Variants in PUS7 observed in about 807,000 individuals in gnomAD.
The protein encoded by PUS7 is pseudouridylate synthase 7 homolog.
In PUS7, 48 loss-of-function variants were observed where a neutral mutation model predicts 79.8. The ratio of observed to expected loss-of-function variants is 0.60; its 90% confidence interval spans 0.48 to 0.76. PUS7 has a LOEUF of 0.76. PUS7 is among the 30% of genes least tolerant of loss of function. PUS7 has a pLI of 0.00. For synonymous variants in PUS7, 286 were observed against 272.2 expected, an observed-to-expected ratio of 1.05 and a Z score of -0.50; for missense variants, 729 against 797.6, an observed-to-expected ratio of 0.91 and a Z score of 1.04.
intron 1 of PUS7, among the ~76,000 whole-genome samples, chr7:105,519,255 A>C (rs1285010230): frequency 6.8e-6 from 1 of 146,700 alleles, no homozygotes; most frequent in Admixed American, 6.8e-5. Context: ...TTTTTTGGAG[A>C]TGGAGTTTTC....
At position 105,487,008 on chromosome 7, in the gene PUS7, C is replaced by T. The variant is rs189853207; in HGVS notation, c.920+4532G>A. ...CTCAGAGGCTGAGGTTGCAGTGAGC[C>T]GAGATTGTGCCACTTGTACTCCAGC... On this transcript the variant is annotated intron_variant, in intron 7 of 15. Coordinates refer to ENST00000469408, the MANE Select transcript of PUS7 (RefSeq NM_019042.5). Among the ~76,000 whole-genome samples, 266 of 151,708 alleles carry T rather than the reference C, an allele frequency of 1.8e-3. 1 individual carries two copies. The highest frequency in any genetic ancestry group is 6.8e-3 in the Middle Eastern group (2 of 294).
chr7:105,485,794 G>A (rs1378507221), intron 7 of PUS7, among the ~76,000 whole-genome samples: 1 of 152,126 alleles, frequency 6.6e-6, no homozygotes, highest in Non-Finnish European at 1.5e-5. Flanking sequence ...ATTGCTTTAA[G>A]TGCTATATCT....
chr7:105,498,494 G>C (rs1825123392), intron 5 of PUS7, among the ~76,000 whole-genome samples: 1 of 152,186 alleles, frequency 6.6e-6, no homozygotes, highest in Non-Finnish European at 1.5e-5. Context: ...GGCAGTCCCA[G>C]TCTAGCAGAA....
rs558584412 is a variant in PUS7 at position 105,514,782 on chromosome 7, A to G, written c.-32-6238T>C. ...ATTTTTCCTGTTCCATATAATAACT[A>G]AAAATTCTCTCTCATTTTTTTTTTT... On this transcript the variant is annotated intron_variant, in intron 1 of 15. Transcript: ENST00000469408. Among the ~76,000 whole-genome samples, 3 of 151,610 alleles carry G rather than the reference A, an allele frequency of 2.0e-5. No homozygotes were observed. The South Asian group carries it at 6.3e-4, about 32-fold the overall frequency.
At chr7:105,463,168 C>G (rs1179573505) in intron 13 of PUS7, among the ~76,000 whole-genome samples, 1 of 152,214 alleles carries the variant, frequency 6.6e-6, no homozygotes, top group Admixed American at 6.5e-5. Context: ...GGAAAACCAT[C>G]TGGCTCACCC....
chr7:105,509,401 T>G, intron 1 of PUS7, among the ~76,000 whole-genome samples: 1 of 152,000 alleles, frequency 6.6e-6, no homozygotes, highest in Non-Finnish European at 1.5e-5. Flanking sequence ...TAATACTACT[T>G]TTAGGGATTT....
At chr7:105,484,061 A>AT (rs1434160509) in intron 7 of PUS7, among the ~76,000 whole-genome samples, 1 of 152,156 alleles carries the variant, frequency 6.6e-6, no homozygotes, top group African/African-American at 2.4e-5. Flanking sequence ...AAAGGCAGTG[A>AT]TTTTGTCCAA....
intron 4 of PUS7, among the ~76,000 whole-genome samples, chr7:105,504,097 T>G (rs1354032913): frequency 1.3e-5 from 2 of 148,356 alleles, no homozygotes; most frequent in African/African-American, 5.0e-5. Flanking sequence ...GAGACACAGT[T>G]TCACTCTTGT....
chr7:105,518,407 TTTA>T (rs1450443765), intron 1 of PUS7, among the ~76,000 whole-genome samples: 1 of 152,080 alleles, frequency 6.6e-6, no homozygotes, highest in Non-Finnish European at 1.5e-5. Flanking sequence ...TGTTTGTTTA[TTTA>T]TTTATTTTTT....
chr7:105,485,591 T>C (rs1210270365), intron 7 of PUS7, among the ~76,000 whole-genome samples: 1 of 152,258 alleles, frequency 6.6e-6, no homozygotes, highest in Non-Finnish European at 1.5e-5. Context: ...GGAAATGAGG[T>C]AGGGGAGCCA....
At chr7:105,467,642 T>C (rs114913737) in intron 12 of PUS7, among the ~76,000 whole-genome samples, 2,805 of 152,066 alleles carry the variant, frequency 0.018, 82 homozygotes, top group African/African-American at 0.064. Context: ...GGTGTATTTA[T>C]TTGCTAGACC....
At chr7:105,476,431 T>C (rs1167794790) in intron 9 of PUS7, among the ~76,000 whole-genome samples, 2 of 152,096 alleles carry the variant, frequency 1.3e-5, no homozygotes, top group African/African-American at 2.4e-5. Context: ...CATCTCAGCT[T>C]ACTGCAACCT....
chr7:105,515,638 A>AT (rs965392707), intron 1 of PUS7, among the ~76,000 whole-genome samples: 8 of 151,090 alleles, frequency 5.3e-5, no homozygotes, highest in South Asian at 2.1e-4. Flanking sequence ...AGACAAATTA[A>AT]TTTTTTTTTG....
At chr7:105,461,546 A>G (rs1399236219) in intron 14 of PUS7, among the ~76,000 whole-genome samples, 1 of 152,170 alleles carries the variant, frequency 6.6e-6, no homozygotes, top group Non-Finnish European at 1.5e-5. Context: ...TGATGATTTG[A>G]AAAATACAAA....
chr7:105,495,185 T>G lies in PUS7; in HGVS notation c.799A>C (p.Lys267Gln). The change falls in exon 6 of 16, where the codon AAA (lysine) becomes CAA (glutamine). Residue 267 changes from lysine (K) to glutamine (Q), a missense_variant. By Grantham distance (53) the Lys-to-Gln change is moderately conservative. Transcript: ENST00000469408. ...ACATTAATAGCATCCATGGTGTCTTTGTTTTCCTTATATAGTACGAAGTGG... is the reference window on the plus strand; with the variant it reads ...ACATTAATAGCATCCATGGTGTCTTGGTTTTCCTTATATAGTACGAAGTGG... Reference protein sequence around the residue: ...YCHFVLYKENKDTMDAINVLS... With the variant: ...YCHFVLYKENQDTMDAINVLS... The G allele has an allele frequency of 6.2e-7, 1 of 1,612,822 alleles. No homozygotes were observed. Among genetic ancestry groups the G allele is most frequent in the Non-Finnish European group, 8.5e-7 (1 of 1,179,288 alleles).
chr7:105,489,046 G>A (rs1031758761), intron 7 of PUS7, among the ~76,000 whole-genome samples: 3 of 150,964 alleles, frequency 2.0e-5, no homozygotes, highest in Admixed American at 6.6e-5. Flanking sequence ...TACTCAGGAC[G>A]CTGAGGCAGG....
At position 105,482,399 on chromosome 7, in the gene PUS7, A is replaced by G. The variant is rs1444432381; in HGVS notation, c.962T>C (p.Met321Thr). 1.2e-6 allele frequency: 2 copies of G among 1,612,292 alleles called. No individual in the cohort carries two copies. Among genetic ancestry groups the G allele is most frequent in the Admixed American group, 3.3e-5 (2 of 59,902 alleles). ...QRLAHLNKCLMNFKLGNFSYQ... is the reference protein window; with the variant it reads ...QRLAHLNKCLTNFKLGNFSYQ... ...GCTGAAATTCCCTAGCTTAAAGTTC[A>G]TCAAGCACTTATTCAGGTGGGCAAG... Residue 321 changes from methionine (M) to threonine (T), a missense_variant, in exon 8 of 16, where the codon ATG becomes ACG. Met to Thr is a moderately conservative substitution (Grantham distance 81, BLOSUM62 -1). Coordinates refer to ENST00000469408, the MANE Select transcript of PUS7 (RefSeq NM_019042.5).
At chr7:105,466,778 T>C (rs940055996) in intron 12 of PUS7, among the ~76,000 whole-genome samples, 2 of 146,912 alleles carry the variant, frequency 1.4e-5, no homozygotes, top group African/African-American at 2.5e-5. Flanking sequence ...AAAACTGGAA[T>C]GTACTTAAGA....
chr7:105,487,285 T>G (rs1824588792), intron 7 of PUS7, among the ~76,000 whole-genome samples: 1 of 152,236 alleles, frequency 6.6e-6, no homozygotes, highest in Non-Finnish European at 1.5e-5. Flanking sequence ...ACCATTAATC[T>G]ACTTTCTGCC....
Sources: allele counts gnomAD v4.1 joint callset (sites outside exome capture counted in the v4.1 genomes callset), GRCh38; gene constraint gnomAD v4.1.1; transcripts MANE v1.5; gene names NCBI Gene and HGNC (gene_info 2026-07-23, HGNC 2026-07-21).